PCYT1B: variants seen among roughly 807,000 people sequenced by gnomAD.
The protein encoded by PCYT1B is phosphate cytidylyltransferase 1B, choline.
In PCYT1B, 10 loss-of-function variants were observed where a neutral mutation model predicts 26.4. That is an observed-to-expected ratio of 0.38 (90% CI 0.23 to 0.64). The LOEUF is 0.64. Ranked by LOEUF, PCYT1B falls within the 30% of genes least tolerant of loss-of-function variation. The pLI, the probability that PCYT1B is intolerant of heterozygous loss-of-function variation, is 0.56. For synonymous variants in PCYT1B, 131 were observed against 108.4 expected, an observed-to-expected ratio of 1.21 and a Z score of -1.29; for missense variants, 161 against 292.7, an observed-to-expected ratio of 0.55 and a Z score of 3.28.
At chrX:24,630,796 T>C (rs1926056531) in intron 1 of PCYT1B, among the ~76,000 whole-genome samples, 2 of 112,468 alleles carry the variant, frequency 1.8e-5, no homozygotes. Context: ...ATTTTCCTGA[T>C]GCTGAGTTCT....
chrX:24,664,168 A>G (rs773083968), intron 1 of PCYT1B, among the ~76,000 whole-genome samples: 52 of 110,958 alleles, frequency 4.7e-4, no homozygotes, highest in African/African-American at 1.7e-3. Context: ...CCTATGTCCT[A>G]TGCACAGGAC....
chrX:24,576,863 C>T (rs1924033490), intron 6 of PCYT1B, among the ~76,000 whole-genome samples: 2 of 111,495 alleles, frequency 1.8e-5, no homozygotes, highest in Admixed American at 1.9e-4. Context: ...GTCATCCTAC[C>T]CACCCTTGTA....
At chrX:24,670,104 GAAAGA>G (rs1569261886) in intron 1 of PCYT1B, among the ~76,000 whole-genome samples, 1,167 of 78,885 alleles carry the variant, frequency 0.015, 20 homozygotes, top group African/African-American at 0.033. Context: ...AAGAAAGAAA[GAAAGA>G]AAGAAAGGAA....
intron 7 of PCYT1B, among the ~76,000 whole-genome samples, chrX:24,567,546 A>C (rs1480921317): frequency 8.9e-6 from 1 of 112,545 alleles, no homozygotes; most frequent in African/African-American, 3.2e-5. Flanking sequence ...TCACTGTATT[A>C]AGAGGTTTCC....
chrX:24,579,061 G>A (rs1297050308), intron 6 of PCYT1B, among the ~76,000 whole-genome samples: 1 of 109,642 alleles, frequency 9.1e-6, no homozygotes, highest in Non-Finnish European at 1.9e-5. Flanking sequence ...GCTGAGGCAG[G>A]AGGATCGCTT....
intron 1 of PCYT1B, among the ~76,000 whole-genome samples, chrX:24,631,017 G>A (rs1422033001): frequency 5.4e-5 from 6 of 110,948 alleles, no homozygotes; most frequent in Admixed American, 1.9e-4. Context: ...CTGCCTCCTG[G>A]GTTCACGCCA....
intron 1 of PCYT1B, among the ~76,000 whole-genome samples, chrX:24,638,561 C>T (rs924485689): frequency 5.4e-5 from 6 of 112,145 alleles, no homozygotes; most frequent in Admixed American, 9.5e-5. Context: ...CTTGCAATGA[C>T]TTAGTTTGTT....
intron 1 of PCYT1B, among the ~76,000 whole-genome samples, chrX:24,657,794 A>C (rs1926953685): frequency 8.9e-6 from 1 of 112,168 alleles, no homozygotes; most frequent in African/African-American, 3.2e-5. Context: ...GGATTTTTTT[A>C]AGCAGGTGAA....
intron 7 of PCYT1B, among the ~76,000 whole-genome samples, chrX:24,568,741 A>T (rs963881578): frequency 4.5e-5 from 5 of 111,367 alleles, no homozygotes; most frequent in African/African-American, 6.5e-5. Flanking sequence ...GTAATTAGCC[A>T]GTTGCATAAT....
intron 1 of PCYT1B, among the ~76,000 whole-genome samples, chrX:24,667,676 C>A (rs954697466): frequency 1.8e-5 from 2 of 109,127 alleles, no homozygotes; most frequent in East Asian, 5.7e-4. Context: ...GAGATCGCAC[C>A]ACTGCACTCC....
At chrX:24,607,229 T>G (rs1456015184) in intron 3 of PCYT1B, among the ~76,000 whole-genome samples, 1 of 112,349 alleles carries the variant, frequency 8.9e-6, no homozygotes. Flanking sequence ...TAAATCTCCA[T>G]GTCTTTAACA....
upstream of PCYT1B, among the ~76,000 whole-genome samples, chrX:24,649,472 G>A (rs765185287): frequency 9.0e-6 from 1 of 111,160 alleles, no homozygotes; most frequent in East Asian, 2.8e-4. Flanking sequence ...CCACGCTAAA[G>A]TTTACAAACC....
intron 6 of PCYT1B, 127 bp downstream of exon 6, chrX:24,579,189 A>AG: frequency 3.8e-6 from 2 of 521,857 alleles, no homozygotes; most frequent in Non-Finnish European, 5.7e-6. Flanking sequence ...CTCTACACAA[A>AG]AAAAAAAAAA....
intron 1 of PCYT1B, chrX:24,672,518 C>T (rs1450372233): frequency 2.0e-6 from 2 of 981,569 alleles, no homozygotes; most frequent in African/African-American, 3.8e-5. Flanking sequence ...ACTTTTTGAA[C>T]TGACTTTGAT....
intron 1 of PCYT1B, among the ~76,000 whole-genome samples, chrX:24,653,655 T>G (rs1353937270): frequency 9.0e-6 from 1 of 111,170 alleles, no homozygotes; most frequent in Admixed American, 9.6e-5. Context: ...TCGGATCATC[T>G]CCCAAATAAA....
intron 7 of PCYT1B, among the ~76,000 whole-genome samples, chrX:24,570,862 G>A (rs931374281): frequency 9.0e-6 from 1 of 110,970 alleles, no homozygotes; most frequent in Non-Finnish European, 1.9e-5. Context: ...TTAGAGGGAT[G>A]TTGGTAGACC....
intron 7 of PCYT1B, among the ~76,000 whole-genome samples, chrX:24,573,377 G>C (rs1923916566): frequency 9.0e-6 from 1 of 110,577 alleles, no homozygotes; most frequent in Admixed American, 9.8e-5. Context: ...TGTTGGCCAG[G>C]CTAGCCTCAA....
intron 1 of PCYT1B, among the ~76,000 whole-genome samples, chrX:24,655,520 C>T (rs191112472): frequency 4.9e-4 from 55 of 112,313 alleles, no homozygotes; most frequent in African/African-American, 1.7e-3. Context: ...CAGTGGCTCA[C>T]GCCTGTAGTC....
intron 1 of PCYT1B, among the ~76,000 whole-genome samples, chrX:24,625,469 C>T (rs1248177284): frequency 9.1e-6 from 1 of 110,301 alleles, no homozygotes; most frequent in African/African-American, 3.3e-5. Flanking sequence ...ATTATGTAGA[C>T]TCTTAAATCA....
Sources: gnomAD v4.1 joint callset for allele counts (sites outside exome capture counted in the v4.1 genomes callset) on GRCh38, gnomAD v4.1.1 for gene constraint, MANE v1.5 for transcripts, NCBI Gene and HGNC (gene_info 2026-07-23, HGNC 2026-07-21) for gene names.